Variants in CNTN4 observed in about 807,000 individuals in gnomAD.
CNTN4 encodes the protein contactin-4.
In CNTN4, 77 loss-of-function variants were observed where a neutral mutation model predicts 122.5. That is an observed-to-expected ratio of 0.63 (90% confidence interval 0.52 to 0.76). The LOEUF (loss-of-function observed/expected upper bound fraction) is 0.76. CNTN4 is among the 30% of genes least tolerant of loss of function. The pLI, the probability that CNTN4 is intolerant of heterozygous loss-of-function variation, is 0.00. For missense variants in CNTN4, 1,256 were observed against 1,259.1 expected (o/e 1.00, Z 0.04); for synonymous variants, 512 against 447.0 (o/e 1.15, Z -1.83).
chr3:2,917,356 C>CGGAGACGGAGAG (rs2094379812), intron 12 of CNTN4, among the ~76,000 whole-genome samples: 1 of 149,166 alleles, frequency 6.7e-6, no homozygotes, highest in African/African-American at 2.6e-5. Context: ...AAGAGGGAGA[C>CGGAGACGGAGAG]GGAGACGGAG....
intron 3 of CNTN4, among the ~76,000 whole-genome samples, chr3:2,397,270 T>C (rs1352245351): frequency 6.6e-6 from 1 of 152,214 alleles, no homozygotes; most frequent in Non-Finnish European, 1.5e-5. Context: ...GAATTACAGC[T>C]CTTATATTCT....
intron 3 of CNTN4, among the ~76,000 whole-genome samples, chr3:2,491,723 A>G (rs2076321862): frequency 6.6e-6 from 1 of 152,082 alleles, no homozygotes; most frequent in African/African-American, 2.4e-5. Context: ...ATGGCCTTTG[A>G]TATTCAGTAT....
At chr3:2,134,342 C>T (rs932125091) in intron 2 of CNTN4, among the ~76,000 whole-genome samples, 3 of 152,146 alleles carry the variant, frequency 2.0e-5, no homozygotes, top group Non-Finnish European at 4.4e-5. Flanking sequence ...GATTTGAATT[C>T]GTACCCCAGT....
chr3:2,958,838 C>T (rs1300917346), intron 13 of CNTN4, among the ~76,000 whole-genome samples: 1 of 152,084 alleles, frequency 6.6e-6, no homozygotes, highest in African/African-American at 2.4e-5. Context: ...AACTAATGCT[C>T]AACCTAGGAA....
intron 3 of CNTN4, among the ~76,000 whole-genome samples, chr3:2,459,245 A>G (rs996097415): frequency 6.6e-6 from 1 of 152,176 alleles, no homozygotes; most frequent in African/African-American, 2.4e-5. Flanking sequence ...ATGCATCACT[A>G]TACTTTTCCA....
chr3:2,939,256 T>A (rs565221598), intron 13 of CNTN4, among the ~76,000 whole-genome samples: 1 of 152,318 alleles, frequency 6.6e-6, no homozygotes, highest in African/African-American at 2.4e-5. Flanking sequence ...TGGCTTTCTA[T>A]ATAATTACAA....
intron 2 of CNTN4, among the ~76,000 whole-genome samples, chr3:2,237,877 C>G (rs1318008713): frequency 6.6e-6 from 1 of 151,896 alleles, no homozygotes; most frequent in Non-Finnish European, 1.5e-5. Flanking sequence ...TTAAATTAGC[C>G]TATAGGCCAT....
intron 2 of CNTN4, among the ~76,000 whole-genome samples, chr3:2,154,556 G>A (rs1482068031): frequency 6.6e-6 from 1 of 152,150 alleles, no homozygotes; most frequent in Non-Finnish European, 1.5e-5. Context: ...TTAAAAAGTG[G>A]AATAAGTTCT....
chr3:2,426,081 C>G (rs543275145), intron 3 of CNTN4, among the ~76,000 whole-genome samples: 1 of 152,110 alleles, frequency 6.6e-6, no homozygotes, highest in Non-Finnish European at 1.5e-5. Context: ...CCTGATTGCC[C>G]TGGCCAGAAC....
rs554844162 is a variant in CNTN4 at position 2,658,482 on chromosome 3, A to G, written c.56-77733A>G. On this transcript the variant is annotated intron_variant, in intron 4 of 24. Coordinates refer to ENST00000418658, the MANE Select transcript of CNTN4 (RefSeq NM_175607.3). ...CACTCTCATTTGTCAAAGACGGAAA[A>G]GTAAAGCACACAGAGGTAATACGAT... 3.9e-5 allele frequency among the ~76,000 whole-genome samples: 6 copies of G among 152,306 alleles called. No homozygotes were observed. The South Asian group carries it at 1.0e-3, about 26-fold the overall frequency.
At chr3:2,519,544 G>C (rs923952830) in intron 3 of CNTN4, among the ~76,000 whole-genome samples, 2 of 152,156 alleles carry the variant, frequency 1.3e-5, no homozygotes, top group African/African-American at 4.8e-5. Context: ...GTACCACGAA[G>C]CTAGAACTCT....
intron 3 of CNTN4, among the ~76,000 whole-genome samples, chr3:2,563,436 T>A (rs778944531): frequency 3.9e-5 from 6 of 152,194 alleles, no homozygotes. Flanking sequence ...TAACAAATAA[T>A]ACAGAAACTA....
At chr3:2,876,009 GT>G (rs1157792597) in intron 8 of CNTN4, among the ~76,000 whole-genome samples, 12 of 152,190 alleles carry the variant, frequency 7.9e-5, no homozygotes, top group Admixed American at 6.5e-4. Context: ...CTTGAAAAAG[GT>G]TATCTCTGCA....
chr3:2,539,945 C>T (rs1203831360), intron 3 of CNTN4, among the ~76,000 whole-genome samples: 1 of 151,896 alleles, frequency 6.6e-6, no homozygotes, highest in Non-Finnish European at 1.5e-5. Context: ...AGAGTTATTC[C>T]AATTTTTTTC....
At chr3:2,383,474 G>A (rs1452690833) in intron 3 of CNTN4, among the ~76,000 whole-genome samples, 4 of 151,936 alleles carry the variant, frequency 2.6e-5, no homozygotes, top group Non-Finnish European at 5.9e-5. Context: ...TCCATTTCAC[G>A]GTTGAGAAAA....
At chr3:2,269,614 C>T (rs79346805) in intron 2 of CNTN4, among the ~76,000 whole-genome samples, 15,784 of 152,028 alleles carry the variant, frequency 0.1, 881 homozygotes, top group Middle Eastern at 0.14. Context: ...GTTTGGGAGA[C>T]CATGATACAA....
chr3:2,151,032 C>T (rs2035471976), intron 2 of CNTN4, among the ~76,000 whole-genome samples: 1 of 151,740 alleles, frequency 6.6e-6, no homozygotes. Flanking sequence ...TCTCATGGAC[C>T]CCACAGGAGA....
At chr3:2,652,961 TA>T (rs2150211061) in intron 4 of CNTN4, among the ~76,000 whole-genome samples, 1 of 152,284 alleles carries the variant, frequency 6.6e-6, no homozygotes, top group South Asian at 2.1e-4. Context: ...TGGCAACAGC[TA>T]AGCTTTCCAT....
Position 2,250,943 on chromosome 3 carries a change from A to G in CNTN4, c.-144-88235A>G, listed in dbSNP as rs1372104181. ...CATTTTAAAGGAATAATTAGTAAAG[A>G]CACCTGCAAATTTTATGCATAAGTC... On this transcript the variant is annotated intron_variant, in intron 2 of 24. Transcript: ENST00000418658. Among the ~76,000 whole-genome samples, 4 of 151,860 alleles carry G rather than the reference A, an allele frequency of 2.6e-5. No individual in the cohort carries two copies. In the East Asian group the frequency reaches 7.7e-4, roughly 29 times the overall value.
Sources: gnomAD v4.1 joint callset for allele counts (sites outside exome capture counted in the v4.1 genomes callset) on GRCh38, gnomAD v4.1.1 for gene constraint, MANE v1.5 for transcripts, NCBI Gene and HGNC (gene_info 2026-07-23, HGNC 2026-07-21) for gene names.